Variants in CHST9 observed in about 807,000 individuals in gnomAD.
CHST9 encodes carbohydrate sulfotransferase 9.
A neutral mutation model predicts 44.4 loss-of-function variants in CHST9; 41 were observed. The observed-to-expected ratio is 0.92, with a 90% CI of 0.72 to 1.20. CHST9 has a LOEUF of 1.20. Ranked by LOEUF, CHST9 falls within the 50% of genes most tolerant of loss-of-function variation. The pLI is 0.00. For missense variants in CHST9, 504 were observed against 516.5 expected, an observed-to-expected ratio of 0.98 and a Z score of 0.23; for synonymous variants, 171 against 178.4, an observed-to-expected ratio of 0.96 and a Z score of 0.33.
At chr18:27,160,452 G>T (rs2058736598) in intron 1 of CHST9, among the ~76,000 whole-genome samples, 1 of 152,150 alleles carries the variant, frequency 6.6e-6, no homozygotes, top group Non-Finnish European at 1.5e-5. Flanking sequence ...GCATCCCAGG[G>T]GTTAAGCCCA....
intron 2 of CHST9, among the ~76,000 whole-genome samples, chr18:27,128,023 G>A (rs1400683762): frequency 6.6e-6 from 1 of 152,078 alleles, no homozygotes; most frequent in African/African-American, 2.4e-5. Flanking sequence ...GAAAACAGGA[G>A]GGAAAAAGCT....
At chr18:27,060,638 C>G (rs1336721455) in intron 2 of CHST9, among the ~76,000 whole-genome samples, 2 of 152,154 alleles carry the variant, frequency 1.3e-5, no homozygotes, top group African/African-American at 4.8e-5. Flanking sequence ...CTGTGAAAAA[C>G]ACAACTGAGT....
At chr18:27,036,882 T>C (rs1414271221) in intron 3 of CHST9, among the ~76,000 whole-genome samples, 2 of 152,178 alleles carry the variant, frequency 1.3e-5, no homozygotes, top group Non-Finnish European at 2.9e-5. Context: ...GTCCAGTGGA[T>C]CTCTAGAACT....
At chr18:27,013,616 C>G (rs1350389196) in intron 4 of CHST9, among the ~76,000 whole-genome samples, 2 of 152,182 alleles carry the variant, frequency 1.3e-5, no homozygotes, top group Admixed American at 6.5e-5. Context: ...GAGCCTTACT[C>G]AAGGTACTGT....
intron 2 of CHST9, among the ~76,000 whole-genome samples, chr18:27,126,379 C>T (rs1334965064): frequency 6.6e-6 from 1 of 152,168 alleles, no homozygotes; most frequent in Admixed American, 6.5e-5. Flanking sequence ...TCACAGATCT[C>T]ATGGTCTAGT....
chr18:27,181,258 A>G lies in CHST9; in HGVS notation c.-97+3878T>C, dbSNP rs114956188. Among the ~76,000 whole-genome samples the G allele has an allele frequency of 9.0e-3, 1,371 of 152,308 alleles. 14 individuals carry two copies. The highest frequency in any genetic ancestry group is 0.032 in the African/African-American group (1,318 of 41,570). ...TCCAACTAAAAACTGACTATAAACA[A>G]GATATTTCATGCTATGGTATGAATC... On this transcript the variant is annotated intron_variant, in intron 1 of 5. Transcript: ENST00000618847.
chr18:26,975,307 A>T (rs1171665802), intron 4 of CHST9, among the ~76,000 whole-genome samples: 1 of 152,190 alleles, frequency 6.6e-6, no homozygotes, highest in African/African-American at 2.4e-5. Flanking sequence ...TATGGCATAC[A>T]AGTATAATTT....
intron 2 of CHST9, among the ~76,000 whole-genome samples, chr18:27,094,783 G>A (rs2058101329): frequency 6.6e-6 from 1 of 152,172 alleles, no homozygotes; most frequent in Non-Finnish European, 1.5e-5. Context: ...TCAGCACAAT[G>A]TGGCTCTGCG....
At chr18:27,120,599 C>T (rs1179174000) in intron 2 of CHST9, among the ~76,000 whole-genome samples, 2 of 152,092 alleles carry the variant, frequency 1.3e-5, no homozygotes, top group Admixed American at 6.6e-5. Flanking sequence ...AAATGCTTCT[C>T]GTGTGATTAT....
rs762437828 is a variant in CHST9, at chr18:27,142,834, AC to A, written c.-26del. On this transcript the variant is annotated 5_prime_UTR_variant, in exon 2 of 6. An upstream open reading frame in the 5' UTR gains an earlier in-frame stop. Coordinates refer to ENST00000618847, the MANE Select transcript of CHST9 (RefSeq NM_031422.6). ...TTTCTCCTTATTTCAGAATCTGAAG[AC>A]CACATGATTTGTTTTCCCGTAAAAC... The A allele has an allele frequency of 6.3e-7, 1 of 1,576,494 alleles. No individual in the cohort carries two copies. The highest frequency in any genetic ancestry group is 1.2e-5 in the South Asian group (1 of 82,330).
intron 1 of CHST9, among the ~76,000 whole-genome samples, chr18:27,143,602 T>TAA (rs34245519): frequency 1.3e-5 from 2 of 151,826 alleles, no homozygotes; most frequent in Non-Finnish European, 2.9e-5. Context: ...TTATTTTTTT[T>TAA]AAAAAAATTG....
intron 2 of CHST9, among the ~76,000 whole-genome samples, chr18:27,110,142 C>CT (rs71171618): frequency 0.34 from 48,056 of 143,420 alleles, 8,135 homozygotes; most frequent in Non-Finnish European, 0.39. Context: ...TTAGCCCAGT[C>CT]TTTTTTTTTT....
At chr18:27,165,787 T>C (rs1285622369) in intron 1 of CHST9, among the ~76,000 whole-genome samples, 2 of 152,192 alleles carry the variant, frequency 1.3e-5, no homozygotes, top group African/African-American at 4.8e-5. Flanking sequence ...CTAAGTAACT[T>C]AGTGCTACTA....
intron 3 of CHST9, among the ~76,000 whole-genome samples, chr18:27,034,682 C>G (rs1292283119): frequency 2.0e-5 from 3 of 152,174 alleles, no homozygotes; most frequent in African/African-American, 7.2e-5. Flanking sequence ...GCACTCTTCT[C>G]TCAGATCTGC....
rs897500893 is a variant in CHST9 at position 26,913,973 on chromosome 18, A to G, written c.*2286T>C. The stretch of plus-strand genomic sequence containing the variant: ...GGCAAAGACATGCATGGCTTTTGGA[A>G]CTTGCAACTACACAGGGTGTCACTT... On this transcript the variant is annotated 3_prime_UTR_variant, in exon 6 of 6. Transcript: ENST00000618847. The G allele has an allele frequency of 2.0e-5, 3 of 152,238 alleles. No homozygotes were observed. The highest frequency in any genetic ancestry group is 4.4e-5 in the Non-Finnish European group (3 of 68,044). 9.4% of individuals were successfully genotyped at this position (152,238 alleles called of 1,614,324 possible). A position where few individuals can be genotyped will look rare whatever the true frequency, so the allele number is the denominator to read the frequency against.
chr18:27,127,596 TG>T (rs1357908097), intron 2 of CHST9, among the ~76,000 whole-genome samples: 2 of 151,998 alleles, frequency 1.3e-5, no homozygotes, highest in Non-Finnish European at 2.9e-5. Flanking sequence ...AGAAATAAAT[TG>T]GGGGGAATAG....
chr18:27,136,461 T>G (rs1176322751), intron 2 of CHST9, among the ~76,000 whole-genome samples: 1 of 152,230 alleles, frequency 6.6e-6, no homozygotes, highest in Admixed American at 6.5e-5. Context: ...TCTCTTAGCA[T>G]GACTCTACAA....
intron 5 of CHST9, among the ~76,000 whole-genome samples, chr18:26,920,608 A>C (rs1377132949): frequency 1.3e-5 from 2 of 152,186 alleles, no homozygotes; most frequent in Non-Finnish European, 2.9e-5. Flanking sequence ...GAAGATGTTA[A>C]GGAAATAATT....
rs1010136521 is a variant in CHST9, at chr18:27,185,306, C to G, written c.-267G>C. ...GGACAGCTCGGAGTCGGGCGCTCAC[C>G]CTGGCCCTGACCCTCCCGCGTCCGG... On this transcript the variant is annotated 5_prime_UTR_variant, in exon 1 of 6. Transcript: ENST00000618847. 2.0e-5 allele frequency: 3 copies of G among 151,632 alleles called. No homozygotes were observed. The East Asian group carries it at 5.9e-4, about 30-fold the overall frequency. The allele number at this position is 151,632 out of a possible 1,614,324, so 9.4% of individuals were successfully genotyped here. A position where few individuals can be genotyped will look rare whatever the true frequency, so the allele number is the denominator to read the frequency against.
Sources: gnomAD v4.1 joint callset for allele counts (sites outside exome capture counted in the v4.1 genomes callset) on GRCh38, gnomAD v4.1.1 for gene constraint, MANE v1.5 for transcripts, NCBI Gene and HGNC (gene_info 2026-07-23, HGNC 2026-07-21) for gene names.